XKR4: variants seen among roughly 807,000 people sequenced by gnomAD.
XKR4 encodes the protein XK related 4, also known as XK-related protein 4.
Under a neutral mutation model 53.9 loss-of-function variants are expected in XKR4, and 12 were observed. That is an observed-to-expected ratio of 0.22 (90% confidence interval 0.14 to 0.36). The LOEUF (loss-of-function observed/expected upper bound fraction) is 0.36, where lower values mean the gene tolerates loss of function less well. Ranked by LOEUF, XKR4 falls within the 10% of genes least tolerant of loss-of-function variation. XKR4 has a pLI of 1.00. For synonymous variants in XKR4, 354 were observed against 362.4 expected, an observed-to-expected ratio of 0.98 and a Z score of 0.26; for missense variants, 799 against 859.5, an observed-to-expected ratio of 0.93 and a Z score of 0.88.
At chr8:55,479,523 A>C (rs1806064335) in intron 2 of XKR4, among the ~76,000 whole-genome samples, 1 of 152,202 alleles carries the variant, frequency 6.6e-6, no homozygotes, top group Non-Finnish European at 1.5e-5. Flanking sequence ...TTCAAAAGCT[A>C]GCAGAAGGCA....
intron 2 of XKR4, among the ~76,000 whole-genome samples, chr8:55,419,601 A>G (rs1396753721): frequency 1.3e-5 from 2 of 152,370 alleles, no homozygotes; most frequent in Non-Finnish European, 2.9e-5. Context: ...GGAGTGATAC[A>G]TTCTTAAGTA....
At chr8:55,265,557 G>A (rs759189617) in intron 1 of XKR4, among the ~76,000 whole-genome samples, 1 of 152,102 alleles carries the variant, frequency 6.6e-6, no homozygotes. Context: ...CAACCTAAGA[G>A]TAAGAAAGGG....
intron 2 of XKR4, among the ~76,000 whole-genome samples, chr8:55,390,980 C>T (rs1412163267): frequency 6.6e-6 from 1 of 152,176 alleles, no homozygotes; most frequent in East Asian, 1.9e-4. Flanking sequence ...AAATGCTTTA[C>T]TCTAAGGAAT....
chr8:55,106,310 C>G (rs1334304129), intron 1 of XKR4, among the ~76,000 whole-genome samples: 1 of 152,062 alleles, frequency 6.6e-6, no homozygotes, highest in East Asian at 1.9e-4. Context: ...ACATATGTTA[C>G]AATGCAACTG....
intron 2 of XKR4, chr8:55,452,509 C>T: frequency 3.1e-6 from 2 of 651,872 alleles, no homozygotes; most frequent in South Asian, 3.4e-5. Context: ...AGCACACACT[C>T]CTCACCAGAC....
intron 1 of XKR4, among the ~76,000 whole-genome samples, chr8:55,171,208 C>T (rs139813571): frequency 6.6e-6 from 1 of 152,254 alleles, no homozygotes; most frequent in Non-Finnish European, 1.5e-5. Context: ...AAATACATTT[C>T]TGAGTAATTA....
chr8:55,259,250 A>T (rs1246331704), intron 1 of XKR4, among the ~76,000 whole-genome samples: 5 of 152,230 alleles, frequency 3.3e-5, no homozygotes, highest in Admixed American at 3.3e-4. Context: ...TTGAGAATTT[A>T]GCCATTGTAA....
intron 2 of XKR4, among the ~76,000 whole-genome samples, chr8:55,476,697 A>C (rs1405503014): frequency 6.6e-6 from 1 of 152,016 alleles, no homozygotes; most frequent in Non-Finnish European, 1.5e-5. Flanking sequence ...CCACCCTAAT[A>C]CTGCGCTTTT....
rs1481543564 is a variant in XKR4, at chr8:55,540,361, G to A, written c.*16134G>A. ...CAATTAGTTTACGTGTGTTAGTATT[G>A]CTGACATATTATTATCATCACAAAA... On this transcript the variant is annotated 3_prime_UTR_variant, in exon 3 of 3. Coordinates refer to ENST00000327381, the MANE Select transcript of XKR4 (RefSeq NM_052898.2). 1.3e-5 allele frequency: 2 copies of A among 152,172 alleles called. No individual in the cohort carries two copies. Among genetic ancestry groups the A allele is most frequent in the Non-Finnish European group, 2.9e-5 (2 of 68,034 alleles). The allele number at this position is 152,172 out of a possible 1,614,324, so 9.4% of individuals were successfully genotyped here.
rs1474513489 is a variant in XKR4, at chr8:55,537,304, A to G, written c.*13077A>G. The stretch of plus-strand genomic sequence containing the variant: ...GAAAGTCTGAGATGTTCATCCTGAC[A>G]TTTGCGTTCCTGATTATTTGTGGAC... On this transcript the variant is annotated 3_prime_UTR_variant, in exon 3 of 3. Transcript: ENST00000327381. The G allele has an allele frequency of 6.6e-6, 1 of 152,234 alleles. No individual in the cohort carries two copies. The highest frequency in any genetic ancestry group is 1.5e-5 in the Non-Finnish European group (1 of 68,038). The allele number at this position is 152,234 out of a possible 1,614,324, so 9.4% of individuals were successfully genotyped here.
chr8:55,198,093 G>A (rs1029262298), intron 1 of XKR4, among the ~76,000 whole-genome samples: 2 of 152,160 alleles, frequency 1.3e-5, no homozygotes, highest in South Asian at 2.1e-4. Flanking sequence ...TTCATGAAGC[G>A]CAGGAACATC....
chr8:55,319,931 G>A (rs1202186371), intron 1 of XKR4, among the ~76,000 whole-genome samples: 1 of 152,118 alleles, frequency 6.6e-6, no homozygotes, highest in African/African-American at 2.4e-5. Flanking sequence ...AGAGGAGGGA[G>A]CATTAATTGA....
chr8:55,290,430 T>G (rs1164563120), intron 1 of XKR4, among the ~76,000 whole-genome samples: 1 of 152,128 alleles, frequency 6.6e-6, no homozygotes, highest in Non-Finnish European at 1.5e-5. Context: ...TTATTTTATT[T>G]TATTTTAAGT....
chr8:55,211,070 C>T (rs1325456524), intron 1 of XKR4, among the ~76,000 whole-genome samples: 1 of 152,126 alleles, frequency 6.6e-6, no homozygotes, highest in Non-Finnish European at 1.5e-5. Context: ...CTTATCTGTG[C>T]CTGCAACTTG....
Position 55,528,749 on chromosome 8 carries a change from C to T in XKR4, c.*4522C>T, listed in dbSNP as rs565112703. On this transcript the variant is annotated 3_prime_UTR_variant, in exon 3 of 3. Transcript: ENST00000327381. The stretch of plus-strand genomic sequence containing the variant: ...GATGCAGATCAACGTTCCTTTGTCT[C>T]GGCAATCCAATGTCATTTTTGAAAA... The T allele has an allele frequency of 2.0e-5, 3 of 152,164 alleles. No individual in the cohort carries two copies. Among genetic ancestry groups the T allele is most frequent in the Admixed American group, 6.5e-5 (1 of 15,284 alleles). 9.4% of individuals were successfully genotyped at this position (152,164 alleles called of 1,614,324 possible).
intron 2 of XKR4, among the ~76,000 whole-genome samples, chr8:55,433,440 C>T (rs1473219832): frequency 1.3e-5 from 2 of 152,104 alleles, no homozygotes; most frequent in African/African-American, 2.4e-5. Context: ...TTAACTTGGG[C>T]TCTGTTTACT....
intron 2 of XKR4, chr8:55,450,482 T>A: frequency 1.6e-6 from 1 of 615,936 alleles, no homozygotes; most frequent in Admixed American, 2.2e-5. Flanking sequence ...CCCCTTCTCC[T>A]CGTACAGCAG....
chr8:55,452,880 AGGTAGCT>A, intron 2 of XKR4: 1 of 777,058 alleles, frequency 1.3e-6, no homozygotes, highest in Non-Finnish European at 2.3e-6. Flanking sequence ...AGGCAGCAGG[AGGTAGCT>A]CACGCAGTTG....
chr8:55,322,040 C>T (rs1296161713), intron 1 of XKR4, among the ~76,000 whole-genome samples: 1 of 152,098 alleles, frequency 6.6e-6, no homozygotes, highest in African/African-American at 2.4e-5. Flanking sequence ...CAATCTTTGA[C>T]ATCCTTCCTG....
Sources: allele counts gnomAD v4.1 joint callset (sites outside exome capture counted in the v4.1 genomes callset), GRCh38; gene constraint gnomAD v4.1.1; transcripts MANE v1.5; gene names NCBI Gene and HGNC (gene_info 2026-07-23, HGNC 2026-07-21).